The following SDE2 variants were observed in gnomAD, a reference collection of about 807,000 sequenced individuals.
SDE2 encodes splicing regulator SDE2.
SDE2 carries 31 observed loss-of-function variants against 46.9 expected under a neutral mutation model. That is an observed-to-expected ratio of 0.66 (90% CI 0.50 to 0.89). The LOEUF (loss-of-function observed/expected upper bound fraction) is 0.89. SDE2 is among the 40% of genes least tolerant of loss of function. SDE2 has a pLI of 0.00. For synonymous variants in SDE2, 205 were observed against 204.3 expected (o/e 1.00, Z -0.03); for missense variants, 542 against 564.4 (o/e 0.96, Z 0.40).
intron 6 of SDE2, among the ~76,000 whole-genome samples, chr1:225,986,408 T>C (rs1656269585): frequency 1.3e-5 from 2 of 152,008 alleles, no homozygotes; most frequent in Admixed American, 6.6e-5. Context: ...TATCTTTGAG[T>C]GATTTTTTAT....
At chr1:225,989,236 C>T (rs1388211334) in intron 5 of SDE2, among the ~76,000 whole-genome samples, 2 of 149,528 alleles carry the variant, frequency 1.3e-5, no homozygotes, top group Admixed American at 1.3e-4. Flanking sequence ...GCAGAGGTTA[C>T]AGTAAGCCAT....
chr1:225,986,435 TCA>T lies in SDE2; in HGVS notation c.1135-914_1135-913del, dbSNP rs368087088. Among the ~76,000 whole-genome samples, 131 of 152,322 alleles carry T rather than the reference TCA, an allele frequency of 8.6e-4. 1 individual carries two copies. Among genetic ancestry groups the T allele is most frequent in the African/African-American group, 3.0e-3 (124 of 41,564 alleles). ...ATTTTTTATATTCAAAGAATAACTT[TCA>T]CAGTTTTAAAATATTAAAGAGCTCT... is the stretch of plus-strand genomic sequence containing the variant. On this transcript the variant is annotated intron_variant, in intron 6 of 6. Transcript: ENST00000272091.
chr1:225,991,058 T>C (rs1328041813), intron 5 of SDE2, among the ~76,000 whole-genome samples, 185 bp downstream of exon 5: 3 of 152,216 alleles, frequency 2.0e-5, no homozygotes, highest in Non-Finnish European at 4.4e-5. Flanking sequence ...ATTAATGGCA[T>C]TCACAGCAGA....
chr1:225,993,040 G>A, intron 2 of SDE2, 38 bp from the exon 3 acceptor site: 1 of 1,045,192 alleles, frequency 9.6e-7, no homozygotes, highest in Non-Finnish European at 1.5e-6. Flanking sequence ...GTTAAAATGT[G>A]TTCAAGGATG....
At chr1:225,989,709 A>G (rs1247422992) in intron 5 of SDE2, among the ~76,000 whole-genome samples, 1 of 152,062 alleles carries the variant, frequency 6.6e-6, no homozygotes, top group Non-Finnish European at 1.5e-5. Flanking sequence ...AGAAAATCCT[A>G]GGAACAATTA....
At chr1:225,995,963 C>A (rs1656514656) in intron 1 of SDE2, among the ~76,000 whole-genome samples, 1 of 152,192 alleles carries the variant, frequency 6.6e-6, no homozygotes, top group African/African-American at 2.4e-5. Context: ...CCAGAGCCTA[C>A]ATGAATCAAT....
intron 2 of SDE2, 97 bp from the exon 3 acceptor site, chr1:225,993,099 G>T: frequency 1.2e-5 from 6 of 512,270 alleles, no homozygotes; most frequent in African/African-American, 2.1e-5. Context: ...GATTAACAAT[G>T]ATCTCTACTT....
chr1:225,999,309 C>A lies in SDE2; in HGVS notation c.4G>T (p.Ala2Ser). 6.2e-7 allele frequency: 1 copy of A among 1,611,308 alleles called. No homozygotes were observed. The highest frequency in any genetic ancestry group is 8.5e-7 in the Non-Finnish European group (1 of 1,178,928). The change falls in exon 1 of 7, where the codon GCG becomes TCG. Residue 2 changes from alanine (A) to serine (S), a missense_variant. Ala to Ser is a moderately conservative substitution (Grantham distance 99, BLOSUM62 1). This residue lies in a region of SDE2 where 135 missense variants were observed against 106.5 expected (regional missense o/e 1.27). Transcript: ENST00000272091. ...ATCCACACCAGCGCCGCGGCCTCCGCCATGTCACCGACTACCCGAACCTCA... is the reference window on the plus strand; with the variant it reads ...ATCCACACCAGCGCCGCGGCCTCCGACATGTCACCGACTACCCGAACCTCA... M[A>S]EAAALVWIRG...
rs1053827893 is a variant in SDE2 at position 225,983,995 on chromosome 1, C to G, written c.*1307G>C. The G allele has an allele frequency of 1.4e-4, 21 of 152,034 alleles. 1 individual carries two copies. The highest frequency in any genetic ancestry group is 1.3e-3 in the Admixed American group (20 of 15,254). 9.4% of individuals were successfully genotyped at this position (152,034 alleles called of 1,614,324 possible). A position where few individuals can be genotyped will look rare whatever the true frequency, so the allele number is the denominator to read the frequency against. ...GGCATGGTGGCTCACACCTGTAATCCCAGCACTTTGGGAGGCCAAAGTGGG... is the reference window on the plus strand; with the variant it reads ...GGCATGGTGGCTCACACCTGTAATCGCAGCACTTTGGGAGGCCAAAGTGGG... On this transcript the variant is annotated 3_prime_UTR_variant, in exon 7 of 7. Coordinates refer to ENST00000272091, the MANE Select transcript of SDE2 (RefSeq NM_152608.4).
chr1:225,998,359 GT>G (rs1197728065), intron 1 of SDE2, among the ~76,000 whole-genome samples: 1 of 152,196 alleles, frequency 6.6e-6, no homozygotes, highest in African/African-American at 2.4e-5. Context: ...CTAGACTGCA[GT>G]GTTAACATTT....
At position 225,992,536 on chromosome 1, in the gene SDE2, G is replaced by C. The variant is rs761734292; in HGVS notation, c.382C>G (p.Arg128Gly). Residue 128 changes from arginine (R) to glycine (G), a missense_variant, in exon 4 of 7, where the codon CGA becomes GGA. Physicochemically the swap from Arg to Gly is moderately radical, Grantham distance 125. Coordinates refer to ENST00000272091, the MANE Select transcript of SDE2 (RefSeq NM_152608.4). ...MAEWVKQQAE[R>G]EAEKEQKRLE... ...CGCTTCTGCTCCTTTTCAGCCTCTC[G>C]CTCGGCTTGTTGTTTTACCCATTCA... 6.2e-7 allele frequency: 1 copy of C among 1,610,210 alleles called. No homozygotes were observed. Among genetic ancestry groups the C allele is most frequent in the Non-Finnish European group, 8.5e-7 (1 of 1,179,558 alleles).
At chr1:225,989,068 G>C (rs577902288) in intron 5 of SDE2, among the ~76,000 whole-genome samples, 160 of 152,218 alleles carry the variant, frequency 1.1e-3, no homozygotes, top group African/African-American at 3.8e-3. Flanking sequence ...GGAGGCCGAG[G>C]TGGGTGGATC....
At position 225,992,472 on chromosome 1, in the gene SDE2, T is replaced by C. The variant is rs1353973548; in HGVS notation, c.446A>G (p.His149Arg). 3.7e-6 allele frequency: 6 copies of C among 1,613,450 alleles called. No homozygotes were observed. Among genetic ancestry groups the C allele is most frequent in the Non-Finnish European group, 5.1e-6 (6 of 1,179,810 alleles). Residue 149 changes from histidine to arginine, a missense_variant, in exon 4 of 7, where the codon CAC becomes CGC. His to Arg is a conservative substitution (Grantham distance 29). Coordinates refer to ENST00000272091, the MANE Select transcript of SDE2 (RefSeq NM_152608.4). ...CTGGTAGTCGGGGCTGGTGAAGCAG[T>C]GCTTGGGTTCTACAAGCTTCCGCTG... ...RLQRKLVEPK[H>R]CFTSPDYQQQ...
intron 6 of SDE2, among the ~76,000 whole-genome samples, chr1:225,987,041 C>T (rs118094754): frequency 0.015 from 2,207 of 152,126 alleles, 85 homozygotes; most frequent in East Asian, 0.12. Context: ...TATGAAAATG[C>T]CTTTTTATTA....
intron 5 of SDE2, among the ~76,000 whole-genome samples, chr1:225,990,845 G>A (rs976822435): frequency 5.3e-5 from 8 of 152,150 alleles, no homozygotes; most frequent in Admixed American, 1.3e-4. Flanking sequence ...CCTCAAGTGC[G>A]AAAGTGGTGA....
intron 3 of SDE2, 99 bp downstream of exon 3, chr1:225,992,792 T>C: frequency 2.8e-6 from 2 of 717,692 alleles, no homozygotes; most frequent in Admixed American, 5.6e-5. Flanking sequence ...GTAAATATTT[T>C]AAGTTTCCAT....
intron 4 of SDE2, among the ~76,000 whole-genome samples, chr1:225,992,081 A>T (rs774242319): frequency 3.9e-5 from 6 of 152,170 alleles, no homozygotes; most frequent in Non-Finnish European, 7.3e-5. Context: ...CTGGAGGCTA[A>T]GGCGGGAGAA....
chr1:225,999,106 A>AC, intron 1 of SDE2, 87 bp downstream of exon 1: 1 of 1,059,864 alleles, frequency 9.4e-7, no homozygotes, highest in African/African-American at 1.6e-5. Flanking sequence ...GAATAAACGT[A>AC]CCCCCGCCCC....
intron 5 of SDE2, 69 bp from the exon 6 acceptor site, chr1:225,988,457 G>A (rs1021933980): frequency 7.2e-6 from 11 of 1,527,688 alleles, no homozygotes; most frequent in South Asian, 2.4e-5. Flanking sequence ...TTGGCTGGGC[G>A]CAGTGGCTCA....
Sources: gnomAD v4.1 joint callset for allele counts (sites outside exome capture counted in the v4.1 genomes callset) on GRCh38, gnomAD v4.1.1 for gene constraint, gnomAD v4.1.1 regional missense constraint, MANE v1.5 for transcripts, NCBI Gene and HGNC (gene_info 2026-07-23, HGNC 2026-07-21) for gene names.